SNX7: variants seen among roughly 807,000 people sequenced by gnomAD.
The protein encoded by SNX7 is sorting nexin-7.
A neutral mutation model predicts 48.4 loss-of-function variants in SNX7; 35 were observed. That is an observed-to-expected ratio of 0.72 (90% CI 0.55 to 0.96). SNX7 has a LOEUF of 0.96. Ranked by LOEUF, SNX7 falls within the 40% of genes least tolerant of loss-of-function variation. SNX7 has a pLI of 0.00. For missense variants in SNX7, 553 were observed against 548.9 expected, an observed-to-expected ratio of 1.01 and a Z score of -0.07; for synonymous variants, 190 against 190.2, an observed-to-expected ratio of 1.00 and a Z score of 0.01.
At chr1:98,672,785 G>A (rs1230094843) in intron 1 of SNX7, among the ~76,000 whole-genome samples, 8 of 150,486 alleles carry the variant, frequency 5.3e-5, no homozygotes, top group African/African-American at 9.8e-5. Flanking sequence ...TTAGCCGGGC[G>A]CGGTGGCGGG....
chr1:98,708,277 A>G (rs1403958724), intron 7 of SNX7, among the ~76,000 whole-genome samples: 1 of 152,074 alleles, frequency 6.6e-6, no homozygotes, highest in African/African-American at 2.4e-5. Context: ...GACAGTGTCC[A>G]GTGGGATGAG....
intron 7 of SNX7, among the ~76,000 whole-genome samples, chr1:98,714,247 C>T (rs528567928): frequency 1.3e-5 from 2 of 152,254 alleles, no homozygotes; most frequent in Admixed American, 6.5e-5. Flanking sequence ...GCATATTTAA[C>T]ATCTATTTAG....
chr1:98,726,078 G>T (rs1281215354), intron 7 of SNX7, among the ~76,000 whole-genome samples: 1 of 152,120 alleles, frequency 6.6e-6, no homozygotes, highest in African/African-American at 2.4e-5. Context: ...GATACCTTAA[G>T]AAAAATCTTC....
At position 98,731,130 on chromosome 1, in the gene SNX7, C is replaced by A. The variant is rs201226782; in HGVS notation, c.1126-7107C>A. Reference sequence around the variant, plus strand: ...CAGGAAAAATAGTTTTAACTAAAAACAATTCAGAATGTATTCCTGCCTTTT... The same window carrying A: ...CAGGAAAAATAGTTTTAACTAAAAAAAATTCAGAATGTATTCCTGCCTTTT... On this transcript the variant is annotated intron_variant, in intron 7 of 8. Transcript: ENST00000306121. 8.4e-4 allele frequency among the ~76,000 whole-genome samples: 110 copies of A among 131,292 alleles called. 1 individual carries two copies. Among genetic ancestry groups the A allele is most frequent in the South Asian group, 3.3e-3 (13 of 3,982 alleles). The allele number at this position is 131,292 out of a possible 152,430, so 86.1% of individuals were successfully genotyped here. A position where few individuals can be genotyped will look rare whatever the true frequency, so the allele number is the denominator to read the frequency against.
chr1:98,730,016 T>G (rs1653418530), intron 7 of SNX7, among the ~76,000 whole-genome samples: 1 of 152,154 alleles, frequency 6.6e-6, no homozygotes, highest in Non-Finnish European at 1.5e-5. Flanking sequence ...CTCAGTAACA[T>G]ACTGGCAAAC....
chr1:98,702,826 A>T (rs534637536), intron 7 of SNX7, among the ~76,000 whole-genome samples: 216 of 152,220 alleles, frequency 1.4e-3, no homozygotes, highest in Non-Finnish European at 2.6e-3. Flanking sequence ...AAATATTTTT[A>T]AAATTTTTCT....
At chr1:98,721,841 G>T (rs1306504331) in intron 7 of SNX7, among the ~76,000 whole-genome samples, 2 of 151,994 alleles carry the variant, frequency 1.3e-5, no homozygotes, top group African/African-American at 4.8e-5. Context: ...CATCTAAAGA[G>T]GTAAAGGACT....
intron 6 of SNX7, among the ~76,000 whole-genome samples, chr1:98,700,032 C>T (rs150470397): frequency 4.6e-5 from 7 of 152,184 alleles, no homozygotes; most frequent in Admixed American, 1.3e-4. Context: ...ATGTTCTGTT[C>T]CATTAATTAG....
At chr1:98,661,670 G>T, upstream of SNX7, 1 of 1,182,994 alleles carries the variant, frequency 8.5e-7, no homozygotes, top group South Asian at 4.2e-5. Flanking sequence ...GAGCCAATGG[G>T]CACGCTCGGG....
intron 1 of SNX7, among the ~76,000 whole-genome samples, chr1:98,680,683 G>A (rs1255445601): frequency 6.6e-6 from 1 of 152,124 alleles, no homozygotes; most frequent in African/African-American, 2.4e-5. Context: ...CTCTAGGGCA[G>A]GGGCAAAATG....
At chr1:98,727,913 G>A (rs1429999324) in intron 7 of SNX7, among the ~76,000 whole-genome samples, 2 of 151,940 alleles carry the variant, frequency 1.3e-5, no homozygotes, top group Non-Finnish European at 2.9e-5. Flanking sequence ...ATGACTGTTT[G>A]TGGTACCTGG....
At chr1:98,749,111 A>G (rs1654451932) in intron 8 of SNX7, among the ~76,000 whole-genome samples, 1 of 152,170 alleles carries the variant, frequency 6.6e-6, no homozygotes, top group Non-Finnish European at 1.5e-5. Context: ...ATGATGTGGT[A>G]TAGAAAAAGT....
chr1:98,661,596 T>A, upstream of SNX7: 1 of 837,146 alleles, frequency 1.2e-6, no homozygotes. Flanking sequence ...TCCCGGCAGT[T>A]CCGCGTCTGC....
intron 7 of SNX7, among the ~76,000 whole-genome samples, chr1:98,733,883 C>T (rs1457084775): frequency 6.6e-6 from 1 of 152,102 alleles, no homozygotes; most frequent in East Asian, 1.9e-4. Flanking sequence ...TTAACAATTT[C>T]CACATATCTC....
At position 98,691,127 on chromosome 1, in the gene SNX7, A is replaced by T; in HGVS notation, c.416A>T (p.Gln139Leu). ...GAATTTGAAGTTAGGAGACGATATC[A>T]AGATTTCCTTTGGTTGAAGGGAAAA... is the stretch of plus-strand genomic sequence containing the variant. ...SSEFEVRRRYQDFLWLKGKLE... is the reference protein window; with the variant it reads ...SSEFEVRRRYLDFLWLKGKLE... The change falls in exon 3 of 9, where the codon CAA (glutamine) becomes CTA (leucine). Residue 139 changes from glutamine to leucine, a missense_variant. Gln to Leu is a moderately radical substitution (Grantham distance 113). Coordinates refer to ENST00000306121, the MANE Select transcript of SNX7 (RefSeq NM_015976.5). 1 of 1,610,376 alleles carries T rather than the reference A, an allele frequency of 6.2e-7. No homozygotes were observed. Among genetic ancestry groups the T allele is most frequent in the African/African-American group, 1.3e-5 (1 of 74,834 alleles).
chr1:98,661,789 G>T lies in SNX7; in HGVS notation c.58G>T (p.Ala20Ser), dbSNP rs1221003544. ...CTCCTCGGGCCTCCCGGCCGGGGGC[G>T]CCAACGGGGAGAGCCCGGGGGGCGG... The part of the protein sequence containing the change: ...APSSGLPAGG[A>S]NGESPGGGAP... The change falls in exon 1 of 9, where the codon GCC (alanine) becomes TCC (serine). Residue 20 changes from alanine (A) to serine (S), a missense_variant. Coordinates refer to ENST00000306121, the MANE Select transcript of SNX7 (RefSeq NM_015976.5). 8.0e-7 allele frequency: 1 copy of T among 1,243,800 alleles called. No homozygotes were observed. 77.0% of individuals were successfully genotyped at this position (1,243,800 alleles called of 1,614,324 possible).
intron 8 of SNX7, among the ~76,000 whole-genome samples, chr1:98,742,881 A>G (rs1465078070): frequency 1.3e-5 from 2 of 152,046 alleles, no homozygotes; most frequent in Admixed American, 6.6e-5. Context: ...AATGAATAGT[A>G]TTTTGAGTTC....
intron 7 of SNX7, among the ~76,000 whole-genome samples, chr1:98,706,594 G>A (rs1454785436): frequency 6.6e-6 from 1 of 152,182 alleles, no homozygotes; most frequent in Non-Finnish European, 1.5e-5. Context: ...TGTGCTTGGA[G>A]AAAGCACAAG....
At chr1:98,683,726 T>G (rs546182543) in intron 1 of SNX7, among the ~76,000 whole-genome samples, 1 of 152,314 alleles carries the variant, frequency 6.6e-6, no homozygotes, top group African/African-American at 2.4e-5. Context: ...TTTATTGTAG[T>G]TTTCTTTAAT....
Sources: allele counts gnomAD v4.1 joint callset (sites outside exome capture counted in the v4.1 genomes callset), GRCh38; gene constraint gnomAD v4.1.1; transcripts MANE v1.5; gene names NCBI Gene and HGNC (gene_info 2026-07-23, HGNC 2026-07-21).